The following LINGO2 variants were observed in gnomAD, a reference collection of about 807,000 sequenced individuals.
LINGO2 encodes the protein leucine rich repeat and Ig domain containing 2.
Under a neutral mutation model 30.6 loss-of-function variants are expected in LINGO2, and 14 were observed. The ratio of observed to expected loss-of-function variants is 0.46; its 90% CI spans 0.30 to 0.72. LINGO2 has a LOEUF of 0.72. LINGO2 is among the 30% of genes least tolerant of loss of function. The probability of loss-of-function intolerance (pLI) is 0.07; values close to 1 mark genes in which losing one functional copy is unlikely to be tolerated. For missense variants in LINGO2, 729 were observed against 751.7 expected (o/e 0.97, Z 0.35); for synonymous variants, 317 against 288.5 (o/e 1.10, Z -1.00).
the LINGO2 span, among the ~76,000 whole-genome samples, chr9:28,987,827 G>A: frequency 6.6e-6 from 1 of 151,898 alleles, no homozygotes; most frequent in Non-Finnish European, 1.5e-5. Flanking sequence ...TAATTTCCAT[G>A]TATTTATGGA....
chr9:28,369,288 G>A, intron 3 of LINGO2, among the ~76,000 whole-genome samples: 1 of 151,988 alleles, frequency 6.6e-6, no homozygotes, highest in East Asian at 1.9e-4. Flanking sequence ...TTTTTGTCTG[G>A]TATTGTCTGT....
the LINGO2 span, among the ~76,000 whole-genome samples, chr9:28,824,780 C>T: frequency 6.6e-6 from 1 of 152,192 alleles, no homozygotes; most frequent in East Asian, 1.9e-4. Context: ...CAGAAAATAC[C>T]TTTAAAGCTT....
At chr9:28,916,424 C>A in the LINGO2 span, among the ~76,000 whole-genome samples, 2 of 152,120 alleles carry the variant, frequency 1.3e-5, no homozygotes, top group East Asian at 3.9e-4. Context: ...TCTCTGAAGC[C>A]GGCTACCTGG....
rs1424257461 is a variant in LINGO2, at chr9:27,948,658, G to A, written c.*193C>T. On this transcript the variant is annotated 3_prime_UTR_variant, in exon 6 of 6. Coordinates refer to ENST00000379992, the Ensembl canonical transcript of LINGO2. ...ACACTTAGTATCCCACTGTGTGAAG[G>A]GCTCTGACACATGCCTGCCTGCCTG... 6.1e-6 allele frequency: 4 copies of A among 651,496 alleles called. No individual in the cohort carries two copies. In the African/African-American group the frequency reaches 7.2e-5, roughly 12 times the overall value. The allele number at this position is 651,496 out of a possible 1,614,324, so 40.4% of individuals were successfully genotyped here.
At chr9:28,383,855 G>A (rs1821456791) in intron 2 of LINGO2, among the ~76,000 whole-genome samples, 1 of 151,982 alleles carries the variant, frequency 6.6e-6, no homozygotes, top group African/African-American at 2.4e-5. Context: ...TTTTGTATAT[G>A]CACTTTTTTC....
the LINGO2 span, among the ~76,000 whole-genome samples, chr9:28,971,756 C>A: frequency 1.3e-5 from 2 of 152,226 alleles, no homozygotes; most frequent in African/African-American, 4.8e-5. Flanking sequence ...GCCTGGCCAC[C>A]TTTGCCACCT....
At chr9:28,005,827 T>G (rs1822238826) in intron 5 of LINGO2, among the ~76,000 whole-genome samples, 2 of 152,136 alleles carry the variant, frequency 1.3e-5, no homozygotes, top group African/African-American at 4.8e-5. Flanking sequence ...AACAGCTTCA[T>G]AAGAAAGCAT....
chr9:28,008,994 A>C (rs1011123431), intron 5 of LINGO2, among the ~76,000 whole-genome samples: 1 of 152,178 alleles, frequency 6.6e-6, no homozygotes, highest in Non-Finnish European at 1.5e-5. Context: ...GATTATTCAC[A>C]CTTACCGATT....
At chr9:28,413,043 TTC>T (rs1023037103) in intron 2 of LINGO2, among the ~76,000 whole-genome samples, 5 of 152,128 alleles carry the variant, frequency 3.3e-5, no homozygotes, top group African/African-American at 9.7e-5. Context: ...CTTAAAATAT[TTC>T]TTTTTTCTTG....
rs188702186 is a variant in LINGO2, at chr9:28,359,968, T to C, written c.-246+12868A>G. 5.7e-3 allele frequency among the ~76,000 whole-genome samples: 874 copies of C among 152,278 alleles called. 7 individuals carry two copies. The highest frequency in any genetic ancestry group is 0.02 in the African/African-American group (815 of 41,560). On this transcript the variant is annotated intron_variant, in intron 3 of 5. Transcript: ENST00000379992. ...TGGGTGTGAATTCTGCTTCTAGCCC[T>C]GGCTACTCATGTAGATTGAGGTTAA...
the LINGO2 span, among the ~76,000 whole-genome samples, chr9:28,775,772 C>T: frequency 8.0e-4 from 122 of 152,118 alleles, no homozygotes; most frequent in Non-Finnish European, 6.3e-4. Context: ...AAACTATTGG[C>T]CATTCTGAAA....
chr9:28,877,889 G>T, the LINGO2 span, among the ~76,000 whole-genome samples: 1 of 152,144 alleles, frequency 6.6e-6, no homozygotes, highest in Non-Finnish European at 1.5e-5. Context: ...AATGAGCATG[G>T]AATGTTCTTC....
At chr9:28,078,568 C>A (rs1825689073) in intron 4 of LINGO2, among the ~76,000 whole-genome samples, 1 of 148,520 alleles carries the variant, frequency 6.7e-6, no homozygotes, top group Admixed American at 6.6e-5. Context: ...TCTCTAGACT[C>A]TGCCGGGCGT....
chr9:29,057,332 T>C, the LINGO2 span, among the ~76,000 whole-genome samples: 1 of 152,182 alleles, frequency 6.6e-6, no homozygotes, highest in East Asian at 1.9e-4. Flanking sequence ...AATTTTGGTT[T>C]TCATCCATGA....
intron 3 of LINGO2, among the ~76,000 whole-genome samples, chr9:28,345,406 C>T (rs1819527541): frequency 6.6e-6 from 1 of 152,068 alleles, no homozygotes; most frequent in African/African-American, 2.4e-5. Flanking sequence ...TTGGTCAATC[C>T]ATTAACTAGT....
chr9:28,742,502 T>C, the LINGO2 span, among the ~76,000 whole-genome samples: 3 of 151,864 alleles, frequency 2.0e-5, no homozygotes, highest in South Asian at 4.2e-4. Flanking sequence ...ACATACATCT[T>C]ATCTTTTCAA....
chr9:28,087,295 C>T (rs542514970), intron 4 of LINGO2, among the ~76,000 whole-genome samples: 4 of 152,120 alleles, frequency 2.6e-5, no homozygotes, highest in East Asian at 1.9e-4. Context: ...AAATTACTTG[C>T]TTTGGGGTTA....
At chr9:28,942,585 A>G in the LINGO2 span, among the ~76,000 whole-genome samples, 287 of 152,268 alleles carry the variant, frequency 1.9e-3, 1 homozygote, top group African/African-American at 6.5e-3. Context: ...TTATCTTTTC[A>G]ATTTCAGCTG....
At chr9:28,356,973 A>T (rs1481744651) in intron 3 of LINGO2, among the ~76,000 whole-genome samples, 5 of 152,080 alleles carry the variant, frequency 3.3e-5, no homozygotes, top group African/African-American at 9.7e-5. Flanking sequence ...ACTTCAAAGT[A>T]AAAATGTTTA....
Sources: gnomAD v4.1 joint callset for allele counts (sites outside exome capture counted in the v4.1 genomes callset) on GRCh38, gnomAD v4.1.1 for gene constraint, MANE v1.5 for transcripts, NCBI Gene and HGNC (gene_info 2026-07-23, HGNC 2026-07-21) for gene names.